The following PFKFB3 variants were observed in gnomAD, a reference collection of about 807,000 sequenced individuals.
PFKFB3 encodes the protein 6-phosphofructo-2-kinase/fructose-2,6-bisphosphatase 3.
PFKFB3 carries 33 observed loss-of-function variants against 68.0 expected under a neutral mutation model. That is an observed-to-expected ratio of 0.49 (90% CI 0.37 to 0.65). PFKFB3 has a LOEUF of 0.65. Ranked by LOEUF, PFKFB3 falls within the 30% of genes least tolerant of loss-of-function variation. The probability of loss-of-function intolerance (pLI) is 0.00; values close to 1 mark genes in which losing one functional copy is unlikely to be tolerated. For synonymous variants in PFKFB3, 315 were observed against 288.2 expected (o/e 1.09, Z -0.94); for missense variants, 586 against 712.2 (o/e 0.82, Z 2.02).
intron 14 of PFKFB3, among the ~76,000 whole-genome samples, chr10:6,230,951 G>A (rs1229653433): frequency 1.3e-5 from 2 of 152,014 alleles, no homozygotes; most frequent in South Asian, 4.1e-4. Context: ...CCTGACCTCA[G>A]GTGATCCACC....
At chr10:6,246,373 CTG>C (rs1846260774) in intron 14 of PFKFB3, among the ~76,000 whole-genome samples, 1 of 150,838 alleles carries the variant, frequency 6.6e-6, no homozygotes, top group South Asian at 2.1e-4. Flanking sequence ...GAATCTCACT[CTG>C]TTTCCCAGGA....
Position 6,221,366 on chromosome 10 carries a change from T to C in PFKFB3, c.832-15T>C. 1 of 1,613,452 alleles carries C rather than the reference T, an allele frequency of 6.2e-7. No individual in the cohort carries two copies. Among genetic ancestry groups the C allele is most frequent in the Non-Finnish European group, 8.5e-7 (1 of 1,179,856 alleles). ...GGGCATCTGGAATCAGTGGTCCCCC[T>C]CCACCACCTCTCAGTTTGCCAGTGC... On this transcript the variant is annotated splice_polypyrimidine_tract_variant and intron_variant, in intron 8 of 14. Transcript: ENST00000379775.
At chr10:6,269,515 C>G in the PFKFB3 span, among the ~76,000 whole-genome samples, 1 of 151,996 alleles carries the variant, frequency 6.6e-6, no homozygotes, top group Admixed American at 6.6e-5. Flanking sequence ...TTTCCCTTTT[C>G]CAGATTCCGG....
At chr10:6,322,240 C>G in the PFKFB3 span, among the ~76,000 whole-genome samples, 1 of 152,208 alleles carries the variant, frequency 6.6e-6, no homozygotes, top group Non-Finnish European at 1.5e-5. Context: ...GCCCCAGACC[C>G]TCAATGTCTC....
intron 1 of PFKFB3, among the ~76,000 whole-genome samples, chr10:6,159,625 G>A (rs1841913229): frequency 6.6e-6 from 1 of 151,234 alleles, no homozygotes; most frequent in Non-Finnish European, 1.5e-5. Flanking sequence ...CCGGGAGGAG[G>A]AGGTTGCGGT....
the PFKFB3 span, among the ~76,000 whole-genome samples, chr10:6,307,008 C>G: frequency 6.6e-6 from 1 of 152,150 alleles, no homozygotes; most frequent in East Asian, 1.9e-4. Context: ...TTGAGTAAAG[C>G]AGGCCACCCT....
the PFKFB3 span, among the ~76,000 whole-genome samples, chr10:6,307,524 TC>T: frequency 1.4e-5 from 2 of 141,436 alleles, no homozygotes; most frequent in African/African-American, 5.2e-5. Context: ...CTTCCTTCCT[TC>T]CTTCCTTCCT....
At chr10:6,273,198 G>C in the PFKFB3 span, among the ~76,000 whole-genome samples, 4 of 151,826 alleles carry the variant, frequency 2.6e-5, no homozygotes, top group Admixed American at 2.0e-4. Context: ...CAGTAGAGAC[G>C]GGGTTTGCTG....
chr10:6,221,558 A>G, intron 9 of PFKFB3, 31 bp downstream of exon 9: 1 of 1,612,066 alleles, frequency 6.2e-7, no homozygotes, highest in Non-Finnish European at 8.5e-7. Flanking sequence ...AGGCAGCCTC[A>G]CCCTCGGGCA....
In PFKFB3 at chr10:6,203,204, C is replaced by T. The variant is rs2131859119; in HGVS notation, c.-57C>T. ...TGTTCCGGGGGTCGGCGGCCGCTCT[C>T]CTGCCAGCGTCGGGATCTCGGCCCC... is the stretch of plus-strand genomic sequence containing the variant. On this transcript the variant is annotated 5_prime_UTR_variant, in exon 1 of 15. Coordinates refer to ENST00000379775, the MANE Select transcript of PFKFB3 (RefSeq NM_004566.4). 1 of 1,587,206 alleles carries T rather than the reference C, an allele frequency of 6.3e-7. No individual in the cohort carries two copies. Among genetic ancestry groups the T allele is most frequent in the Non-Finnish European group, 8.6e-7 (1 of 1,168,068 alleles).
intron 6 of PFKFB3, 36 bp from the exon 7 acceptor site, chr10:6,219,533 G>T: frequency 6.2e-7 from 1 of 1,613,502 alleles, no homozygotes. Context: ...AAGCCTTCCA[G>T]CGTGATTTAT....
At chr10:6,271,498 T>C in the PFKFB3 span, among the ~76,000 whole-genome samples, 1 of 152,202 alleles carries the variant, frequency 6.6e-6, no homozygotes, top group East Asian at 1.9e-4. Context: ...GCCGAATTCT[T>C]TGAGAGTAAT....
In PFKFB3 at chr10:6,222,886, C is replaced by A. The variant is rs1442675413; in HGVS notation, c.1115C>A (p.Pro372Gln). The change falls in exon 11 of 15, where the codon CCA (proline) becomes CAA (glutamine). Residue 372 changes from proline (P) to glutamine (Q), a missense_variant. Transcript: ENST00000379775. ...SYQDLVQRLE[P>Q]VIMELERQEN... ...CAGGACCTGGTCCAGCGCTTGGAGCCAGTGATCATGGAGCTGGAGCGGCAG... is the reference window on the plus strand; with the variant it reads ...CAGGACCTGGTCCAGCGCTTGGAGCAAGTGATCATGGAGCTGGAGCGGCAG... 1.2e-6 allele frequency: 2 copies of A among 1,613,826 alleles called. No homozygotes were observed. Among genetic ancestry groups the A allele is most frequent in the East Asian group, 2.2e-5 (1 of 44,878 alleles).
chr10:6,148,650 T>C (rs1564581776), intron 1 of PFKFB3, among the ~76,000 whole-genome samples: 1 of 152,116 alleles, frequency 6.6e-6, no homozygotes, highest in Non-Finnish European at 1.5e-5. Context: ...AAGAAATTCA[T>C]GAGACGAAAA....
At position 6,211,108 on chromosome 10, in the gene PFKFB3, T is replaced by C. The variant is rs76267422; in HGVS notation, c.77-2515T>C. ...TCTTACTATGCGACAGAGCAGTGCA[T>C]AGGGAGAATGGCTCTGCTTTGCCAA... On this transcript the variant is annotated intron_variant, in intron 1 of 14. Transcript: ENST00000379775. Among the ~76,000 whole-genome samples the C allele has an allele frequency of 2.8e-3, 423 of 152,334 alleles. 1 individual carries two copies. Among genetic ancestry groups the C allele is most frequent in the Non-Finnish European group, 5.0e-3 (341 of 68,018 alleles).
At chr10:6,184,425 GGGTTGACACA>G (rs995736758) in intron 1 of PFKFB3, among the ~76,000 whole-genome samples, 5 of 152,002 alleles carry the variant, frequency 3.3e-5, no homozygotes, top group Non-Finnish European at 7.4e-5. Context: ...GTCTGGGATG[GGGTTGACACA>G]ATGGGTAGTT....
Position 6,221,429 on chromosome 10 carries a change from C to T in PFKFB3, c.880C>T (p.Leu294=), listed in dbSNP as rs34714325. 152 of 1,613,870 alleles carry T rather than the reference C, an allele frequency of 9.4e-5. No individual in the cohort carries two copies. In the African/African-American group the frequency reaches 1.7e-3, roughly 18 times the overall value. ...CGTGGAGGAGCAGAACCTGAAGGAC[C>T]TGCGCGTGTGGACCAGCCAGCTGAA... ...KFVEEQNLKD[L]RVWTSQLKST... The change falls in exon 9 of 15, where the codon CTG becomes TTG. Residue 294 remains leucine, a synonymous_variant. Transcript: ENST00000379775.
rs772721261 is a variant in PFKFB3 at position 6,220,666 on chromosome 10, C to T, written c.632C>T (p.Ser211Leu). 6.2e-6 allele frequency: 10 copies of T among 1,613,544 alleles called. No individual in the cohort carries two copies. The highest frequency in any genetic ancestry group is 1.7e-5 in the Admixed American group (1 of 59,982). ...GTGGGGTCTCTCTGCAGGGACTTGTCGCTGATCAAGGTGATTGACGTGGGC... is the reference window on the plus strand; with the variant it reads ...GTGGGGTCTCTCTGCAGGGACTTGTTGCTGATCAAGGTGATTGACGTGGGC... ...LDPDKCDRDL[S>L]LIKVIDVGRR... Residue 211 changes from serine to leucine, a missense_variant, in exon 8 of 15, where the codon TCG becomes TTG. By Grantham distance (145) the Ser-to-Leu change is moderately radical. Coordinates refer to ENST00000379775, the MANE Select transcript of PFKFB3 (RefSeq NM_004566.4). This position sits in a 1 kb window ranked among gnomAD's most constrained non-coding sequence, Gnocchi z 4.1.
chr10:6,217,932 C>A (rs1844696536), intron 6 of PFKFB3, among the ~76,000 whole-genome samples: 1 of 152,194 alleles, frequency 6.6e-6, no homozygotes, highest in Non-Finnish European at 1.5e-5. Context: ...CGCTGTGGTG[C>A]TGGCATCTTT....
Sources: allele counts gnomAD v4.1 joint callset (sites outside exome capture counted in the v4.1 genomes callset), GRCh38; gene constraint gnomAD v4.1.1; non-coding constraint Gnocchi (gnomAD v3.1); transcripts MANE v1.5; gene names NCBI Gene and HGNC (gene_info 2026-07-23, HGNC 2026-07-21).